MRPL4: variants seen among roughly 807,000 people sequenced by gnomAD.
The protein encoded by MRPL4 is mitochondrial ribosomal protein L4, also known as large ribosomal subunit protein uL4m.
A neutral mutation model predicts 34.1 loss-of-function variants in MRPL4; 34 were observed. The ratio of observed to expected loss-of-function variants is 1.00; its 90% confidence interval spans 0.76 to 1.33. MRPL4 has a LOEUF of 1.33. MRPL4 is among the 40% of genes most tolerant of loss of function. MRPL4 has a pLI of 0.00. For synonymous variants in MRPL4, 196 were observed against 188.3 expected (o/e 1.04, Z -0.33); for missense variants, 402 against 434.6 (o/e 0.92, Z 0.67).
intron 5 of MRPL4, among the ~76,000 whole-genome samples, chr19:10,258,021 G>T (rs147133544): frequency 6.6e-6 from 1 of 152,134 alleles, no homozygotes; most frequent in Non-Finnish European, 1.5e-5. Flanking sequence ...GAGTGTGACA[G>T]CTGGGAAAAC....
chr19:10,258,995 G>A (rs2039880367), intron 8 of MRPL4: 2 of 1,411,350 alleles, frequency 1.4e-6, no homozygotes, highest in African/African-American at 1.5e-5. Context: ...AGCTACTCGG[G>A]GGCTGAGCCA....
chr19:10,252,670 C>T lies in MRPL4; in HGVS notation c.244C>T (p.Leu82=), dbSNP rs771589916. 6.2e-7 allele frequency: 1 copy of T among 1,605,774 alleles called. No individual in the cohort carries two copies. Among genetic ancestry groups the T allele is most frequent in the East Asian group, 2.2e-5 (1 of 44,866 alleles). The change falls in exon 3 of 9, where the codon CTG becomes TTG. Residue 82 remains leucine (L), a synonymous_variant. Coordinates refer to ENST00000253099, the MANE Select transcript of MRPL4 (RefSeq NM_015956.3). ...FEQERVGLAD[L]HPDVFATAPR... ...GCAGGAGCGCGTGGGCCTGGCCGAC[C>T]TGCACCCCGATGTTTTCGCCACCGC...
intron 5 of MRPL4, 34 bp downstream of exon 5, chr19:10,256,859 T>TGTG: frequency 1.4e-5 from 1 of 72,686 alleles, no homozygotes. Context: ...CGGGGAGGGG[T>TGTG]GGGGGGGCCA....
rs1398622681 is a variant in MRPL4 at position 10,259,875 on chromosome 19, G to A, written c.*62G>A. 1.1e-5 allele frequency: 16 copies of A among 1,437,176 alleles called. No homozygotes were observed. Among genetic ancestry groups the A allele is most frequent in the South Asian group, 3.8e-5 (3 of 78,256 alleles). 89.0% of individuals were successfully genotyped at this position (1,437,176 alleles called of 1,614,324 possible). The stretch of plus-strand genomic sequence containing the variant: ...GCCGACTTGGGAGCCTCAGGCCCAC[G>A]CCCACCCTTCGAGGAAGGTGTCACC... On this transcript the variant is annotated 3_prime_UTR_variant, in exon 9 of 9. Transcript: ENST00000253099.
rs745950067 is a variant in MRPL4, at chr19:10,258,323, GC to G, written c.550del (p.Gln184ArgfsTer10). On this transcript the variant is annotated frameshift_variant, in exon 6 of 9. Transcript: ENST00000253099. LOFTEE classifies it high-confidence loss of function. ...GLKVALTVKLAQDDLHIMDSL... is the reference protein window; with the variant it reads ...GLKVALTVKLXQDDLHIMDSL... ...CAAAGTGGCACTGACCGTCAAGCTGGCCCAGGTACAGCCATGGGGGGGCCCA... is the reference window on the plus strand; with the variant it reads ...CAAAGTGGCACTGACCGTCAAGCTGGCCAGGTACAGCCATGGGGGGGCCCA... The G allele has an allele frequency of 5.0e-6, 8 of 1,614,072 alleles. No homozygotes were observed. The South Asian group carries it at 8.8e-5, about 18-fold the overall frequency.
Position 10,252,681 on chromosome 19 carries a change from T to C in MRPL4, c.255T>C (p.Asp85=). The part of the protein sequence containing the change: ...ERVGLADLHP[D]VFATAPRLDI... ...TGGGCCTGGCCGACCTGCACCCCGATGTTTTCGCCACCGCGCCCAGGTGAG... is the reference window on the plus strand; with the variant it reads ...TGGGCCTGGCCGACCTGCACCCCGACGTTTTCGCCACCGCGCCCAGGTGAG... The change falls in exon 3 of 9, where the codon GAT becomes GAC. Residue 85 remains aspartate (D), a synonymous_variant. Coordinates refer to ENST00000253099, the MANE Select transcript of MRPL4 (RefSeq NM_015956.3). 1 of 1,604,132 alleles carries C rather than the reference T, an allele frequency of 6.2e-7. No individual in the cohort carries two copies. The highest frequency in any genetic ancestry group is 8.5e-7 in the Non-Finnish European group (1 of 1,179,678).
rs777047136 is a variant in MRPL4 at position 10,258,600 on chromosome 19, C to G, written c.663-9C>G. 3 of 1,614,212 alleles carry G rather than the reference C, an allele frequency of 1.9e-6. No individual in the cohort carries two copies. The highest frequency in any genetic ancestry group is 2.2e-5 in the East Asian group (1 of 44,886). ...GGGTTCAACCCCCACTCCCTGGCCT[C>G]TCTTACAGAACACACGAGGAGATGC... is the stretch of plus-strand genomic sequence containing the variant. On this transcript the variant is annotated splice_polypyrimidine_tract_variant and intron_variant, in intron 7 of 8. Coordinates refer to ENST00000253099, the MANE Select transcript of MRPL4 (RefSeq NM_015956.3).
At chr19:10,258,179 T>C in intron 5 of MRPL4, 43 bp from the exon 6 acceptor site, 1 of 1,412,250 alleles carries the variant, frequency 7.1e-7, no homozygotes, top group Non-Finnish European at 1.0e-6. Context: ...ACCTCCAGGC[T>C]CTGCAGTGGC....
rs774518448 is a variant in MRPL4 at position 10,252,262 on chromosome 19, G to A, written c.9G>A (p.Gln3=). Residue 3 remains glutamine (Q), a synonymous_variant, in exon 1 of 9, where the codon CAG becomes CAA. Transcript: ENST00000253099. ML[Q]FVRAGARAWL... Reference sequence around the variant, plus strand: ...TGGGAGGCTGCGCGGCGATGCTGCAGTTCGTCCGGGCCGGGGCGCGGGCCT... The same window carrying A: ...TGGGAGGCTGCGCGGCGATGCTGCAATTCGTCCGGGCCGGGGCGCGGGCCT... The A allele has an allele frequency of 2.5e-6, 4 of 1,607,058 alleles. No individual in the cohort carries two copies. The South Asian group carries it at 4.4e-5, about 18-fold the overall frequency.
Position 10,259,873 on chromosome 19 carries a change from A to T in MRPL4, c.*60A>T. ...TGGCCGACTTGGGAGCCTCAGGCCCACGCCCACCCTTCGAGGAAGGTGTCA... is the reference window on the plus strand; with the variant it reads ...TGGCCGACTTGGGAGCCTCAGGCCCTCGCCCACCCTTCGAGGAAGGTGTCA... On this transcript the variant is annotated 3_prime_UTR_variant, in exon 9 of 9. Coordinates refer to ENST00000253099, the MANE Select transcript of MRPL4 (RefSeq NM_015956.3). 1.4e-6 allele frequency: 2 copies of T among 1,442,144 alleles called. No homozygotes were observed. The highest frequency in any genetic ancestry group is 2.4e-5 in the East Asian group (1 of 41,962). 89.3% of individuals were successfully genotyped at this position (1,442,144 alleles called of 1,614,324 possible).
At position 10,258,303 on chromosome 19, in the gene MRPL4, T is replaced by G. The variant is rs1599254049; in HGVS notation, c.527T>G (p.Val176Gly). 6.2e-7 allele frequency: 1 copy of G among 1,614,046 alleles called. No individual in the cohort carries two copies. The highest frequency in any genetic ancestry group is 8.5e-7 in the Non-Finnish European group (1 of 1,179,994). The change falls in exon 6 of 9, where the codon GTG (valine) becomes GGG (glycine). Residue 176 changes from valine to glycine, a missense_variant. Coordinates refer to ENST00000253099, the MANE Select transcript of MRPL4 (RefSeq NM_015956.3). ...AAGGTGCGGGCGCTGGGTCTCAAAG[T>G]GGCACTGACCGTCAAGCTGGCCCAG... Reference protein sequence around the residue: ...PMKVRALGLKVALTVKLAQDD... With the variant: ...PMKVRALGLKGALTVKLAQDD...
upstream of MRPL4, chr19:10,252,155 G>C: frequency 7.2e-7 from 1 of 1,397,570 alleles, no homozygotes; most frequent in Non-Finnish European, 9.5e-7. Flanking sequence ...GCGCGGAGTC[G>C]CGGCGGGTAG....
intron 8 of MRPL4, 135 bp downstream of exon 8, chr19:10,258,820 G>T (rs2039878683): frequency 2.5e-6 from 4 of 1,594,758 alleles, no homozygotes; most frequent in Non-Finnish European, 3.4e-6. Flanking sequence ...CCTTCAGCTT[G>T]CCCAAAGCAA....
rs1462774923 is a variant in MRPL4, at chr19:10,258,691, CAA to C, written c.739+8_739+9del. The C allele has an allele frequency of 1.9e-5, 31 of 1,614,006 alleles. No homozygotes were observed. Among genetic ancestry groups the C allele is most frequent in the South Asian group, 9.9e-5 (9 of 91,092 alleles). On this transcript the variant is annotated splice_region_variant and intron_variant, in intron 8 of 8. Coordinates refer to ENST00000253099, the MANE Select transcript of MRPL4 (RefSeq NM_015956.3). Reference sequence around the variant, plus strand: ...CAACTTGATCCCGGCTGTTGGTGAGCAAAGAGCCCAGGCCCCTAGAGTGCGCA... The same window carrying C: ...CAACTTGATCCCGGCTGTTGGTGAGCAGAGCCCAGGCCCCTAGAGTGCGCA...
rs200573354 is a variant in MRPL4 at position 10,252,441 on chromosome 19, C to A, written c.102C>A (p.Asn34Lys). The A allele has an allele frequency of 3.1e-5, 50 of 1,614,062 alleles. No individual in the cohort carries two copies. In the East Asian group the frequency reaches 1.1e-3, roughly 35 times the overall value. The change falls in exon 2 of 9, where the codon AAC becomes AAA. Residue 34 changes from asparagine (N) to lysine (K), a missense_variant. Physicochemically the swap from Asn to Lys is moderately conservative, Grantham distance 94. Transcript: ENST00000253099. ...LAEEAARATE[N>K]PEQVASEGLP... is the part of the protein sequence containing the mutation. ...AAGAGGCAGCGCGTGCGACCGAGAA[C>A]CCGGAGCAGGTGGCGAGCGAGGGTA...
intron 3 of MRPL4, among the ~76,000 whole-genome samples, chr19:10,253,320 C>T (rs2039815205): frequency 6.7e-6 from 1 of 149,768 alleles, no homozygotes. Flanking sequence ...ACTAAAAATA[C>T]AAAAAAAAAT....
chr19:10,258,971 G>C, intron 8 of MRPL4: 1 of 1,412,138 alleles, frequency 7.1e-7, no homozygotes, highest in Non-Finnish European at 9.2e-7. Context: ...GTGGCGATGT[G>C]CACCTGTAGT....
Position 10,252,464 on chromosome 19 carries a change from G to T in MRPL4, c.124+1G>T. The T allele has an allele frequency of 6.2e-7, 1 of 1,614,050 alleles. No individual in the cohort carries two copies. The highest frequency in any genetic ancestry group is 8.5e-7 in the Non-Finnish European group (1 of 1,179,972). The stretch of plus-strand genomic sequence containing the variant: ...AACCCGGAGCAGGTGGCGAGCGAGG[G>T]TAAGGCAACCGGGGTGGCTCCAGGA... On this transcript the variant is annotated splice_donor_variant, in intron 2 of 8. Coordinates refer to ENST00000253099, the MANE Select transcript of MRPL4 (RefSeq NM_015956.3). LOFTEE classifies it high-confidence loss of function.
Position 10,258,343 on chromosome 19 carries a change from G to A in MRPL4, c.552+15G>A, listed in dbSNP as rs778296825. 3.1e-6 allele frequency: 5 copies of A among 1,613,794 alleles called. No individual in the cohort carries two copies. The Admixed American group carries it at 8.3e-5, about 27-fold the overall frequency. Reference sequence around the variant, plus strand: ...AGCTGGCCCAGGTACAGCCATGGGGGGGCCCAGACAGCTGCTAGAGGTGGG... The same window carrying A: ...AGCTGGCCCAGGTACAGCCATGGGGAGGCCCAGACAGCTGCTAGAGGTGGG... On this transcript the variant is annotated intron_variant, in intron 6 of 8. Coordinates refer to ENST00000253099, the MANE Select transcript of MRPL4 (RefSeq NM_015956.3).
Sources: gnomAD v4.1 joint callset for allele counts (sites outside exome capture counted in the v4.1 genomes callset) on GRCh38, gnomAD v4.1.1 for gene constraint, MANE v1.5 for transcripts, NCBI Gene and HGNC (gene_info 2026-07-23, HGNC 2026-07-21) for gene names.